Variants in TBPL1 observed in about 807,000 individuals in gnomAD.
The protein encoded by TBPL1 is TATA box-binding protein-like 1.
TBPL1 carries 4 observed loss-of-function variants against 22.1 expected under a neutral mutation model. That is an observed-to-expected ratio of 0.18 (90% CI 0.09 to 0.41). The LOEUF is 0.41. Ranked by LOEUF, TBPL1 falls within the 10% of genes least tolerant of loss-of-function variation. TBPL1 has a pLI of 1.00. For missense variants in TBPL1, 115 were observed against 222.3 expected, an observed-to-expected ratio of 0.52 and a Z score of 3.07; for synonymous variants, 64 against 71.0, an observed-to-expected ratio of 0.90 and a Z score of 0.50.
At chr6:133,972,325 A>G (rs1463840881) in intron 1 of TBPL1, among the ~76,000 whole-genome samples, 3 of 152,214 alleles carry the variant, frequency 2.0e-5, no homozygotes, top group African/African-American at 4.8e-5. Flanking sequence ...TTTCTCTCAA[A>G]TATCTTTTAT....
chr6:133,981,132 T>C (rs1270722119), intron 2 of TBPL1, among the ~76,000 whole-genome samples: 1 of 151,762 alleles, frequency 6.6e-6, no homozygotes, highest in African/African-American at 2.4e-5. Flanking sequence ...ACCACCACGC[T>C]CAGCTAATTT....
intron 1 of TBPL1, among the ~76,000 whole-genome samples, chr6:133,974,517 C>T (rs1025462551): frequency 5.9e-5 from 9 of 152,104 alleles, no homozygotes; most frequent in East Asian, 1.9e-4. Context: ...TATTTTTAGA[C>T]GGGGTTTCAC....
In TBPL1 at chr6:133,960,368, T is replaced by C. The variant is rs189592146; in HGVS notation, c.-45+6943T>C. 3.2e-3 allele frequency among the ~76,000 whole-genome samples: 485 copies of C among 151,548 alleles called. 2 individuals carry two copies. The highest frequency in any genetic ancestry group is 0.014 in the Middle Eastern group (4 of 286). On this transcript the variant is annotated intron_variant, in intron 1 of 6. Transcript: ENST00000237264. The stretch of plus-strand genomic sequence containing the variant: ...ACAGATTAAAAAGCTATATTGCTAA[T>C]GGAAATCTGTAGGTCTCAGTATAGC...
In TBPL1 at chr6:133,980,365, C is replaced by T. The variant is rs1014045352; in HGVS notation, c.135+105C>T. 96 of 1,269,942 alleles carry T rather than the reference C, an allele frequency of 7.6e-5. 1 individual carries two copies. The highest frequency in any genetic ancestry group is 3.0e-4 in the South Asian group (16 of 53,856). The allele number at this position is 1,269,942 out of a possible 1,614,324, so 78.7% of individuals were successfully genotyped here. ...TACAGATAGTTTATGAGCACCTTAC[C>T]ATGTGCTGGTTGTCCTGGATACAGA... On this transcript the variant is annotated intron_variant, in intron 2 of 6. Transcript: ENST00000237264.
intron 6 of TBPL1, among the ~76,000 whole-genome samples, chr6:133,985,171 C>T (rs1023298401): frequency 1.1e-4 from 17 of 149,102 alleles, no homozygotes; most frequent in Non-Finnish European, 2.1e-4. Context: ...CCCAGCTATT[C>T]GGGAGGCTAA....
At chr6:133,973,451 A>G (rs903601744) in intron 1 of TBPL1, among the ~76,000 whole-genome samples, 5 of 152,036 alleles carry the variant, frequency 3.3e-5, no homozygotes, top group African/African-American at 1.2e-4. Flanking sequence ...TAGATTTTAG[A>G]TTTATTTTTG....
intron 3 of TBPL1, 47 bp downstream of exon 3, chr6:133,982,697 C>G: frequency 6.3e-7 from 1 of 1,596,232 alleles, no homozygotes; most frequent in Non-Finnish European, 8.5e-7. Flanking sequence ...CTTTTTCCCT[C>G]ATGGAAAGGA....
chr6:133,990,251 G>A lies in TBPL1; in HGVS notation c.*3211G>A, dbSNP rs1776602484. Reference sequence around the variant, plus strand: ...TATTCCTGAGGAGTGTGAAGAATTGGACACTGTGGATTACTATACATTGTC... The same window carrying A: ...TATTCCTGAGGAGTGTGAAGAATTGAACACTGTGGATTACTATACATTGTC... On this transcript the variant is annotated 3_prime_UTR_variant, in exon 7 of 7. Coordinates refer to ENST00000237264, the MANE Select transcript of TBPL1 (RefSeq NM_004865.4). The A allele has an allele frequency of 6.6e-6, 1 of 152,602 alleles. No homozygotes were observed. The highest frequency in any genetic ancestry group is 2.1e-4 in the South Asian group (1 of 4,822). The allele number at this position is 152,602 out of a possible 1,614,324, so 9.5% of individuals were successfully genotyped here.
chr6:133,966,963 T>G (rs181275682), intron 1 of TBPL1, among the ~76,000 whole-genome samples: 2 of 152,330 alleles, frequency 1.3e-5, no homozygotes, highest in African/African-American at 4.8e-5. Flanking sequence ...TCTTGCTTCT[T>G]TTTTAGCTAA....
At chr6:133,973,511 T>A (rs1158426224) in intron 1 of TBPL1, among the ~76,000 whole-genome samples, 1 of 152,230 alleles carries the variant, frequency 6.6e-6, no homozygotes, top group Non-Finnish European at 1.5e-5. Flanking sequence ...TAAATATCTT[T>A]CCTGGTGTGG....
rs61695774 is a variant in TBPL1, at chr6:133,961,465, CTT to C, written c.-45+8060_-45+8061del. Among the ~76,000 whole-genome samples the C allele has an allele frequency of 9.8e-3, 986 of 100,206 alleles. 5 individuals are homozygous for C. Among genetic ancestry groups the C allele is most frequent in the African/African-American group, 0.027 (700 of 26,008 alleles). 65.7% of individuals were successfully genotyped at this position (100,206 alleles called of 152,430 possible). A position where few individuals can be genotyped will look rare whatever the true frequency, so the allele number is the denominator to read the frequency against. ...GATCTCTTTTTAAGATTCTTTCTTTCTTTTTTTTTTTTTTTTTTTTTGAGACG... is the reference window on the plus strand; with the variant it reads ...GATCTCTTTTTAAGATTCTTTCTTTCTTTTTTTTTTTTTTTTTTTGAGACG... On this transcript the variant is annotated intron_variant, in intron 1 of 6. Transcript: ENST00000237264.
chr6:133,964,847 A>G (rs1414158981), intron 1 of TBPL1, among the ~76,000 whole-genome samples: 1 of 152,334 alleles, frequency 6.6e-6, no homozygotes, highest in East Asian at 1.9e-4. Flanking sequence ...CAGGTTGTCT[A>G]TGCTAGAGCA....
intron 6 of TBPL1, among the ~76,000 whole-genome samples, chr6:133,985,297 A>AAAT (rs1449435525): frequency 1.2e-4 from 5 of 42,902 alleles, no homozygotes; most frequent in African/African-American, 3.4e-4. Context: ...AAAAAAAAAA[A>AAAT]ATATATATAT....
intron 1 of TBPL1, among the ~76,000 whole-genome samples, chr6:133,954,616 A>AAAGGCCAC (rs1216603180): frequency 6.6e-6 from 1 of 152,222 alleles, no homozygotes. Flanking sequence ...AGCACAATGA[A>AAAGGCCAC]AAGGCCACAT....
rs1776583149 is a variant in TBPL1 at position 133,989,162 on chromosome 6, T to C, written c.*2122T>C. 6.6e-6 allele frequency: 1 copy of C among 152,210 alleles called. No individual in the cohort carries two copies. Among genetic ancestry groups the C allele is most frequent in the African/African-American group, 2.4e-5 (1 of 41,456 alleles). The allele number at this position is 152,210 out of a possible 1,614,324, so 9.4% of individuals were successfully genotyped here. ...GGGAAGAAGTGAGTGCTCTGATGTC[T>C]TCTGCTGGCTCTCCATAAGTACTGT... is the stretch of plus-strand genomic sequence containing the variant. On this transcript the variant is annotated 3_prime_UTR_variant, in exon 7 of 7. Coordinates refer to ENST00000237264, the MANE Select transcript of TBPL1 (RefSeq NM_004865.4).
intron 1 of TBPL1, among the ~76,000 whole-genome samples, chr6:133,962,906 AC>A (rs1339926391): frequency 6.6e-6 from 1 of 152,210 alleles, no homozygotes; most frequent in African/African-American, 2.4e-5. Context: ...TAAGGAACAG[AC>A]AGAGAAGTAT....
At chr6:133,960,786 T>C (rs1473109610) in intron 1 of TBPL1, among the ~76,000 whole-genome samples, 1 of 152,186 alleles carries the variant, frequency 6.6e-6, no homozygotes, top group African/African-American at 2.4e-5. Flanking sequence ...TGACCGGCTA[T>C]AGTGGAATTA....
At chr6:133,962,167 A>G (rs1430400550) in intron 1 of TBPL1, among the ~76,000 whole-genome samples, 2 of 152,182 alleles carry the variant, frequency 1.3e-5, no homozygotes, top group Admixed American at 6.5e-5. Flanking sequence ...ATTAGGTTAT[A>G]TAAGGAAGAT....
chr6:133,976,002 T>C (rs998518577), intron 1 of TBPL1, among the ~76,000 whole-genome samples: 15 of 152,154 alleles, frequency 9.9e-5, no homozygotes, highest in African/African-American at 3.4e-4. Flanking sequence ...TTTGGTGGAG[T>C]TGCTTAAACA....
Sources: gnomAD v4.1 joint callset for allele counts (sites outside exome capture counted in the v4.1 genomes callset) on GRCh38, gnomAD v4.1.1 for gene constraint, MANE v1.5 for transcripts, NCBI Gene and HGNC (gene_info 2026-07-23, HGNC 2026-07-21) for gene names.